DLG1: variants seen among roughly 807,000 people sequenced by gnomAD.
DLG1 encodes disks large homolog 1.
DLG1 carries 42 observed loss-of-function variants against 123.4 expected under a neutral mutation model. The ratio of observed to expected loss-of-function variants is 0.34; its 90% CI spans 0.27 to 0.44. The LOEUF (loss-of-function observed/expected upper bound fraction) is 0.44, where lower values mean the gene tolerates loss of function less well. Ranked by LOEUF, DLG1 falls within the 20% of genes least tolerant of loss-of-function variation. DLG1 has a pLI of 1.00. For synonymous variants in DLG1, 317 were observed against 356.2 expected (o/e 0.89, Z 1.24); for missense variants, 942 against 1,082.6 (o/e 0.87, Z 1.82).
intron 6 of DLG1, among the ~76,000 whole-genome samples, chr3:197,147,889 G>T (rs1383371989): frequency 2.3e-5 from 3 of 129,350 alleles, no homozygotes; most frequent in African/African-American, 5.7e-5. Flanking sequence ...AAAAAAAAAA[G>T]AAATAAAAGG....
chr3:197,196,171 CAAAAAAAAAA>C (rs71162001), intron 4 of DLG1, among the ~76,000 whole-genome samples: 4 of 88,728 alleles, frequency 4.5e-5, no homozygotes, highest in East Asian at 3.8e-4. Context: ...AAATGCACAC[CAAAAAAAAAA>C]AAAAAAAAAA....
chr3:197,069,284 AAAAT>A, intron 18 of DLG1, 24 bp from the exon 19 acceptor site: 1 of 1,552,680 alleles, frequency 6.4e-7, no homozygotes, highest in Non-Finnish European at 8.8e-7. Context: ...ACAATGAAAA[AAAAT>A]AAAACAGTGT....
At chr3:197,100,246 G>A (rs1330970987) in intron 14 of DLG1, among the ~76,000 whole-genome samples, 1 of 152,160 alleles carries the variant, frequency 6.6e-6, no homozygotes, top group Non-Finnish European at 1.5e-5. Flanking sequence ...CCTTTGGTTG[G>A]TATAAGAAGT....
rs1747447609 is a variant in DLG1, at chr3:197,076,618, T to C, written c.1973A>G (p.Asp658Gly). The change falls in exon 18 of 25, where the codon GAC (aspartate) becomes GGC (glycine). Residue 658 changes from aspartate to glycine, a missense_variant. By Grantham distance (94) the Asp-to-Gly change is moderately conservative. Transcript: ENST00000667157. ...SRKFPFYKNK[D>G]QSEQETSDAD... ...ATCACTTGTTTCCTGCTCACTCTGG[T>C]CCTTGTTCTTGTAGAAGGGGAATTT... The C allele has an allele frequency of 6.2e-7, 1 of 1,612,874 alleles. No homozygotes were observed. The highest frequency in any genetic ancestry group is 8.5e-7 in the Non-Finnish European group (1 of 1,179,246).
rs1355311423 is a variant in DLG1, at chr3:197,085,423, A to G, written c.1838+157T>C. Reference sequence around the variant, plus strand: ...TTCGACTACTTTAGATTTCACATAAAAATGTGATCATACGATTTTTGTCTT... The same window carrying G: ...TTCGACTACTTTAGATTTCACATAAGAATGTGATCATACGATTTTTGTCTT... On this transcript the variant is annotated intron_variant, in intron 16 of 24. Coordinates refer to ENST00000667157, the MANE Select transcript of DLG1 (RefSeq NM_001366207.1). The G allele has an allele frequency of 5.6e-6, 4 of 709,972 alleles. No individual in the cohort carries two copies. In the African/African-American group the frequency reaches 7.1e-5, roughly 13 times the overall value. The allele number at this position is 709,972 out of a possible 1,614,324, so 44.0% of individuals were successfully genotyped here. A position where few individuals can be genotyped will look rare whatever the true frequency, so the allele number is the denominator to read the frequency against.
At chr3:197,209,155 G>GA (rs1167944904) in intron 4 of DLG1, among the ~76,000 whole-genome samples, 1 of 146,114 alleles carries the variant, frequency 6.8e-6, no homozygotes, top group Non-Finnish European at 1.5e-5. Context: ...TGCAAAGCGA[G>GA]AGATATACTT....
chr3:197,255,664 A>G (rs1322871997), intron 4 of DLG1, among the ~76,000 whole-genome samples: 2 of 152,346 alleles, frequency 1.3e-5, no homozygotes, highest in East Asian at 3.9e-4. Context: ...GGAACAAGCT[A>G]CCAGCACGCA....
At chr3:197,232,809 T>A (rs1340924161) in intron 4 of DLG1, among the ~76,000 whole-genome samples, 1 of 149,788 alleles carries the variant, frequency 6.7e-6, no homozygotes, top group Admixed American at 6.7e-5. Flanking sequence ...CTACTAAGTA[T>A]CTCCACAGAA....
intron 16 of DLG1, among the ~76,000 whole-genome samples, chr3:197,083,607 G>C (rs561805207): frequency 3.9e-5 from 6 of 152,246 alleles, no homozygotes; most frequent in African/African-American, 9.6e-5. Flanking sequence ...TTTGCAAAGA[G>C]GGCCTGTCCT....
At chr3:197,188,967 A>G (rs749272706) in intron 5 of DLG1, among the ~76,000 whole-genome samples, 1 of 152,196 alleles carries the variant, frequency 6.6e-6, no homozygotes, top group Non-Finnish European at 1.5e-5. Context: ...CCCCTCAAAT[A>G]ATTATTTTAC....
intron 4 of DLG1, among the ~76,000 whole-genome samples, chr3:197,241,894 T>C (rs1749077274): frequency 6.6e-6 from 1 of 152,064 alleles, no homozygotes; most frequent in Non-Finnish European, 1.5e-5. Flanking sequence ...GAAAATCTCT[T>C]AACCACAAGA....
chr3:197,235,087 A>G (rs544045544), intron 4 of DLG1, among the ~76,000 whole-genome samples: 24 of 152,312 alleles, frequency 1.6e-4, no homozygotes, highest in Non-Finnish European at 3.5e-4. Flanking sequence ...AGTTTTCAGC[A>G]CTGGACAACA....
intron 17 of DLG1, among the ~76,000 whole-genome samples, chr3:197,077,719 T>C (rs532338780): frequency 2.0e-5 from 3 of 152,316 alleles, no homozygotes; most frequent in Non-Finnish European, 2.9e-5. Flanking sequence ...TGTGCATTCA[T>C]AGATTTAAGA....
chr3:197,263,008 G>A (rs946170261), intron 4 of DLG1, among the ~76,000 whole-genome samples: 1 of 151,858 alleles, frequency 6.6e-6, no homozygotes. Flanking sequence ...CTCCCAACAT[G>A]AAAGAGTAAA....
At chr3:197,128,571 A>C (rs1270524018) in intron 11 of DLG1, among the ~76,000 whole-genome samples, 1 of 152,236 alleles carries the variant, frequency 6.6e-6, no homozygotes, top group Non-Finnish European at 1.5e-5. Flanking sequence ...AAAGGCATCT[A>C]GACTGGTGAA....
chr3:197,105,997 T>C (rs1362595204), intron 13 of DLG1, among the ~76,000 whole-genome samples: 1 of 152,224 alleles, frequency 6.6e-6, no homozygotes, highest in Non-Finnish European at 1.5e-5. Context: ...AAAATTTGAC[T>C]ATGAGCCCAG....
intron 4 of DLG1, among the ~76,000 whole-genome samples, chr3:197,245,531 T>A (rs978491356): frequency 6.6e-6 from 1 of 152,152 alleles, no homozygotes; most frequent in Non-Finnish European, 1.5e-5. Context: ...TTTGCTAGAG[T>A]ATAAATTCCT....
chr3:197,261,612 T>A (rs2150965497), intron 4 of DLG1, among the ~76,000 whole-genome samples: 1 of 152,274 alleles, frequency 6.6e-6, no homozygotes, highest in South Asian at 2.1e-4. Flanking sequence ...ACCCCATTCC[T>A]CCTCCTAACA....
intron 4 of DLG1, among the ~76,000 whole-genome samples, chr3:197,224,443 T>C (rs1341951807): frequency 1.3e-5 from 2 of 152,212 alleles, no homozygotes; most frequent in African/African-American, 4.8e-5. Flanking sequence ...TTAAAATCCT[T>C]TTCCTAAAAC....
Sources: allele counts gnomAD v4.1 joint callset (sites outside exome capture counted in the v4.1 genomes callset), GRCh38; gene constraint gnomAD v4.1.1; transcripts MANE v1.5; gene names NCBI Gene and HGNC (gene_info 2026-07-23, HGNC 2026-07-21).